Variants in MYOCD observed in about 807,000 individuals in gnomAD.
The protein encoded by MYOCD is myocardin.
A neutral mutation model predicts 96.1 loss-of-function variants in MYOCD; 32 were observed. That is an observed-to-expected ratio of 0.33 (90% confidence interval 0.25 to 0.45). The LOEUF is 0.45. Ranked by LOEUF, MYOCD falls within the 20% of genes least tolerant of loss-of-function variation. MYOCD has a pLI of 1.00. For synonymous variants in MYOCD, 469 were observed against 469.0 expected (o/e 1.00, Z 0.00); for missense variants, 1,133 against 1,200.6 (o/e 0.94, Z 0.83).
chr17:12,752,371 A>C, intron 9 of MYOCD, 43 bp from the exon 10 acceptor site: 1 of 1,495,768 alleles, frequency 6.7e-7, no homozygotes, highest in Non-Finnish European at 9.0e-7. Flanking sequence ...TTTTAAAAAT[A>C]TTGTCGTTAA....
intron 9 of MYOCD, among the ~76,000 whole-genome samples, chr17:12,746,885 C>T (rs1469741302): frequency 1.3e-5 from 2 of 152,016 alleles, no homozygotes; most frequent in Non-Finnish European, 1.5e-5. Flanking sequence ...CCTACCACTA[C>T]ACCCAGCTAA....
At chr17:12,667,021 C>T (rs1313854524) in intron 1 of MYOCD, among the ~76,000 whole-genome samples, 1 of 152,142 alleles carries the variant, frequency 6.6e-6, no homozygotes, top group Non-Finnish European at 1.5e-5. Flanking sequence ...TTTTCAGTAG[C>T]TCTGTGTATA....
intron 1 of MYOCD, among the ~76,000 whole-genome samples, chr17:12,689,552 C>G (rs1270618938): frequency 1.3e-5 from 2 of 152,120 alleles, no homozygotes; most frequent in Non-Finnish European, 2.9e-5. Context: ...CAATTTGAGG[C>G]CAGGCACAGT....
chr17:12,766,218 C>A lies in MYOCD; in HGVS notation c.*2574C>A, dbSNP rs2033336749. On this transcript the variant is annotated 3_prime_UTR_variant, in exon 14 of 14. Transcript: ENST00000425538. ...TCACACAGTGCCCCTACTCTGAGAC[C>A]TGGGACTGAGTGTTAATTATTTTTT... 1 of 152,168 alleles carries A rather than the reference C, an allele frequency of 6.6e-6. No homozygotes were observed. The highest frequency in any genetic ancestry group is 6.5e-5 in the Admixed American group (1 of 15,276). The allele number at this position is 152,168 out of a possible 1,614,324, so 9.4% of individuals were successfully genotyped here.
At chr17:12,674,259 G>A (rs181517455) in intron 1 of MYOCD, among the ~76,000 whole-genome samples, 2 of 152,058 alleles carry the variant, frequency 1.3e-5, no homozygotes, top group Admixed American at 6.6e-5. Context: ...CTGCCCCACC[G>A]CATAACCATA....
At chr17:12,761,381 C>T (rs942216038) in intron 13 of MYOCD, 1 of 149,108 alleles carries the variant, frequency 6.7e-6, no homozygotes, top group Non-Finnish European at 1.5e-5. Context: ...GAAGGGGTAG[C>T]CAGGCGTTGT....
At chr17:12,694,181 G>A (rs1298131190) in intron 1 of MYOCD, among the ~76,000 whole-genome samples, 1 of 152,198 alleles carries the variant, frequency 6.6e-6, no homozygotes, top group Admixed American at 6.5e-5. Flanking sequence ...GGTTTGCCAG[G>A]AGCTCTGGGA....
intron 11 of MYOCD, among the ~76,000 whole-genome samples, chr17:12,757,559 C>T (rs898366999): frequency 1.4e-4 from 21 of 152,098 alleles, no homozygotes; most frequent in Admixed American, 8.5e-4. Context: ...TGCAGTGGCG[C>T]GATCTCGGCT....
At chr17:12,686,745 A>G (rs1322173531) in intron 1 of MYOCD, among the ~76,000 whole-genome samples, 2 of 146,028 alleles carry the variant, frequency 1.4e-5, no homozygotes, top group African/African-American at 5.6e-5. Flanking sequence ...AGTCCATTGT[A>G]AGAAAAGGTG....
At chr17:12,669,804 G>A (rs776111534) in intron 1 of MYOCD, among the ~76,000 whole-genome samples, 19 of 152,194 alleles carry the variant, frequency 1.2e-4, no homozygotes, top group Non-Finnish European at 2.2e-4. Context: ...ATTTTTAGTA[G>A]AGACAGGGTT....
intron 1 of MYOCD, among the ~76,000 whole-genome samples, chr17:12,670,666 C>A (rs983394325): frequency 6.6e-5 from 10 of 152,114 alleles, no homozygotes; most frequent in African/African-American, 2.4e-4. Flanking sequence ...ATTTAATTCA[C>A]CTTTTTAGAT....
At chr17:12,758,291 C>T (rs148979272) in intron 12 of MYOCD, 78 bp downstream of exon 12, 225 of 1,593,708 alleles carry the variant, frequency 1.4e-4, no homozygotes, top group East Asian at 4.3e-4. Flanking sequence ...TTAAACTTCA[C>T]GCAGTTTGTA....
In MYOCD at chr17:12,763,339, A is replaced by G. The variant is rs1439609627; in HGVS notation, c.2656A>G (p.Ile886Val). Residue 886 changes from isoleucine (I) to valine (V), a missense_variant, in exon 14 of 14, where the codon ATA becomes GTA. Ile to Val is a conservative substitution (Grantham distance 29). Transcript: ENST00000425538. ...IGSEEPHFDG[I>V]MDGFSGKAAE... ...GAGCGAAGAGCCTCACTTTGATGGG[A>G]TAATGGATGGATTCTCTGGGAAGGC... is the stretch of plus-strand genomic sequence containing the variant. 13 of 1,603,656 alleles carry G rather than the reference A, an allele frequency of 8.1e-6. No homozygotes were observed. Among genetic ancestry groups the G allele is most frequent in the African/African-American group, 1.3e-5 (1 of 74,494 alleles).
At position 12,763,249 on chromosome 17, in the gene MYOCD, G is replaced by A; in HGVS notation, c.2566G>A (p.Glu856Lys). Residue 856 changes from glutamate to lysine, a missense_variant, in exon 14 of 14, where the codon GAA (glutamate) becomes AAA (lysine). Coordinates refer to ENST00000425538, the MANE Select transcript of MYOCD (RefSeq NM_001146312.3). ...TGCCACCGACAGTGATGAGCATCTTGAAGTCTTATTAAATTCCCAGAGCCC... is the reference window on the plus strand; with the variant it reads ...TGCCACCGACAGTGATGAGCATCTTAAAGTCTTATTAAATTCCCAGAGCCC... ...PYATDSDEHL[E>K]VLLNSQSPLG... 6.2e-7 allele frequency: 1 copy of A among 1,613,968 alleles called. No homozygotes were observed. Among genetic ancestry groups the A allele is most frequent in the East Asian group, 2.2e-5 (1 of 44,872 alleles).
At chr17:12,687,756 A>G (rs1373630389) in intron 1 of MYOCD, among the ~76,000 whole-genome samples, 4 of 152,208 alleles carry the variant, frequency 2.6e-5, no homozygotes, top group Non-Finnish European at 5.9e-5. Context: ...CAAATAGGTC[A>G]AGCAAGGCTA....
At chr17:12,742,017 A>G (rs2032526955) in intron 7 of MYOCD, among the ~76,000 whole-genome samples, 6 of 152,192 alleles carry the variant, frequency 3.9e-5, no homozygotes, top group Admixed American at 3.9e-4. Flanking sequence ...AACATAGAGA[A>G]AAAAAGCTCC....
chr17:12,762,640 G>A (rs1391001023), intron 13 of MYOCD: 1 of 158,452 alleles, frequency 6.3e-6, no homozygotes, highest in African/African-American at 2.4e-5. Flanking sequence ...GGAGTGACCA[G>A]GAGGCTAGGG....
In MYOCD at chr17:12,752,466, C is replaced by T. The variant is rs1415143534; in HGVS notation, c.1178C>T (p.Thr393Ile). 4 of 1,614,076 alleles carry T rather than the reference C, an allele frequency of 2.5e-6. No homozygotes were observed. Among genetic ancestry groups the T allele is most frequent in the Non-Finnish European group, 3.4e-6 (4 of 1,180,000 alleles). The change falls in exon 10 of 14, where the codon ACC becomes ATC. Residue 393 changes from threonine to isoleucine, a missense_variant. Coordinates refer to ENST00000425538, the MANE Select transcript of MYOCD (RefSeq NM_001146312.3). Reference sequence around the variant, plus strand: ...ATTCGGGGCTTGCCTGTGTCAGGCACCAAAACGGCTCTCATGGACCGGCTT... The same window carrying T: ...ATTCGGGGCTTGCCTGTGTCAGGCATCAAAACGGCTCTCATGGACCGGCTT... ...LRIRGLPVSG[T>I]KTALMDRLRP...
chr17:12,687,729 G>T (rs1320783442), intron 1 of MYOCD, among the ~76,000 whole-genome samples: 1 of 152,196 alleles, frequency 6.6e-6, no homozygotes, highest in African/African-American at 2.4e-5. Flanking sequence ...TGAAGAGGTT[G>T]CAGCAAGTAG....
Sources: allele counts gnomAD v4.1 joint callset (sites outside exome capture counted in the v4.1 genomes callset), GRCh38; gene constraint gnomAD v4.1.1; transcripts MANE v1.5; gene names NCBI Gene and HGNC (gene_info 2026-07-23, HGNC 2026-07-21).